Variants in DGKB observed in about 807,000 individuals in gnomAD.
DGKB encodes 90 kDa diacylglycerol kinase.
A neutral mutation model predicts 114.3 loss-of-function variants in DGKB; 67 were observed. That is an observed-to-expected ratio of 0.59 (90% CI 0.48 to 0.72). The LOEUF is 0.72. Ranked by LOEUF, DGKB falls within the 30% of genes least tolerant of loss-of-function variation. DGKB has a pLI of 0.00. For synonymous variants in DGKB, 398 were observed against 323.1 expected (o/e 1.23, Z -2.49); for missense variants, 907 against 975.2 (o/e 0.93, Z 0.93).
chr7:14,295,146 C>G (rs1802337113), intron 23 of DGKB, among the ~76,000 whole-genome samples: 1 of 152,112 alleles, frequency 6.6e-6, no homozygotes, highest in Non-Finnish European at 1.5e-5. Flanking sequence ...ATAGTAGGTT[C>G]TCTATCGATA....
In DGKB at chr7:14,291,855, A is replaced by G. The variant is rs1487724128; in HGVS notation, c.2122+46660T>C. Among the ~76,000 whole-genome samples, 4 of 152,270 alleles carry G rather than the reference A, an allele frequency of 2.6e-5. No homozygotes were observed. In the East Asian group the frequency reaches 7.8e-4, roughly 30 times the overall value. On this transcript the variant is annotated intron_variant, in intron 23 of 25. Coordinates refer to ENST00000402815, the MANE Select transcript of DGKB (RefSeq NM_001350709.2). ...CCCTGAACATTTTGCTTCTTTAATC[A>G]TCAGCTCTAGTTGTCATTTTAGACA... is the stretch of plus-strand genomic sequence containing the variant.
At chr7:14,299,518 CTT>C (rs963756451) in intron 23 of DGKB, among the ~76,000 whole-genome samples, 2 of 152,070 alleles carry the variant, frequency 1.3e-5, no homozygotes, top group Non-Finnish European at 2.9e-5. Flanking sequence ...GCTAAATTAA[CTT>C]AACACTACAA....
chr7:14,570,044 C>T (rs971140784), intron 20 of DGKB, among the ~76,000 whole-genome samples: 5 of 150,976 alleles, frequency 3.3e-5, no homozygotes, highest in Non-Finnish European at 7.4e-5. Context: ...TTGCTATAAT[C>T]TCATACTAGT....
chr7:14,685,339 G>T lies in DGKB; in HGVS notation c.735C>A (p.His245Gln). 6.2e-7 allele frequency: 1 copy of T among 1,613,564 alleles called. No homozygotes were observed. Among genetic ancestry groups the T allele is most frequent in the Non-Finnish European group, 8.5e-7 (1 of 1,179,560 alleles). The change falls in exon 10 of 26, where the codon CAC becomes CAA. Residue 245 changes from histidine (H) to glutamine (Q), a missense_variant. His to Gln is a conservative substitution (Grantham distance 24, BLOSUM62 0). Transcript: ENST00000402815. ...TGTTAAAGTGCTTCAGTCGCCACACGTGCTGTCCATCATCCTTCACGTTCT... is the reference window on the plus strand; with the variant it reads ...TGTTAAAGTGCTTCAGTCGCCACACTTGCTGTCCATCATCCTTCACGTTCT... ...LENNVKDDGQHVWRLKHFNKP... is the reference protein window; with the variant it reads ...LENNVKDDGQQVWRLKHFNKP...
chr7:14,735,151 A>G (rs758133002), intron 5 of DGKB, among the ~76,000 whole-genome samples: 1 of 152,220 alleles, frequency 6.6e-6, no homozygotes, highest in Non-Finnish European at 1.5e-5. Context: ...AATCTGGGAC[A>G]GGCCACGGTG....
At chr7:14,971,156 A>T (rs368864258) in intron 1 of DGKB, among the ~76,000 whole-genome samples, 1 of 152,174 alleles carries the variant, frequency 6.6e-6, no homozygotes, top group South Asian at 2.1e-4. Context: ...AGGTGGGATT[A>T]TTCTGCTGCT....
chr7:14,387,314 G>C lies in DGKB; in HGVS notation c.1836-41923C>G, dbSNP rs567103075. ...TGTAATCCCACCTACTCAGGAGGCT[G>C]AGGCAGGAGAATTGCTTGAATCAGG... On this transcript the variant is annotated intron_variant, in intron 21 of 25. Transcript: ENST00000402815. Among the ~76,000 whole-genome samples the C allele has an allele frequency of 2.0e-5, 3 of 151,088 alleles. No homozygotes were observed. In the East Asian group the frequency reaches 5.9e-4, roughly 30 times the overall value.
At chr7:14,537,809 G>A (rs1584665023) in intron 20 of DGKB, among the ~76,000 whole-genome samples, 2 of 152,090 alleles carry the variant, frequency 1.3e-5, no homozygotes, top group East Asian at 1.9e-4. Context: ...GGCTGGGCGC[G>A]GTGGCTCACG....
chr7:14,478,126 C>G lies in DGKB; in HGVS notation c.1835+35G>C, dbSNP rs201169036. On this transcript the variant is annotated intron_variant, in intron 21 of 25. Coordinates refer to ENST00000402815, the MANE Select transcript of DGKB (RefSeq NM_001350709.2). ...ATCTTTTTATGGCAAAATTCAGCAA[C>G]TATATCTATAATTTCATCTCTTTTG... is the stretch of plus-strand genomic sequence containing the variant. 4.8e-6 allele frequency: 7 copies of G among 1,456,046 alleles called. No homozygotes were observed. The African/African-American group carries it at 5.6e-5, about 12-fold the overall frequency. The allele number at this position is 1,456,046 out of a possible 1,614,324, so 90.2% of individuals were successfully genotyped here. A position where few individuals can be genotyped will look rare whatever the true frequency, so the allele number is the denominator to read the frequency against.
intron 23 of DGKB, among the ~76,000 whole-genome samples, chr7:14,182,318 G>C (rs1782747017): frequency 6.6e-6 from 1 of 150,976 alleles, no homozygotes; most frequent in African/African-American, 2.4e-5. Flanking sequence ...ATTTTAATTT[G>C]TTAATAAGAA....
Position 14,147,777 on chromosome 7 carries a change from T to C in DGKB, c.*1354A>G, listed in dbSNP as rs117244432. The C allele has an allele frequency of 5.9e-3, 897 of 152,696 alleles. 18 individuals are homozygous for C. Among genetic ancestry groups the C allele is most frequent in the Admixed American group, 0.034 (526 of 15,282 alleles). 9.5% of individuals were successfully genotyped at this position (152,696 alleles called of 1,614,324 possible). A position where few individuals can be genotyped will look rare whatever the true frequency, so the allele number is the denominator to read the frequency against. On this transcript the variant is annotated 3_prime_UTR_variant, in exon 26 of 26. Coordinates refer to ENST00000402815, the MANE Select transcript of DGKB (RefSeq NM_001350709.2). Reference sequence around the variant, plus strand: ...TATTACAAGACTGCTCAGAAGCATTTCATTTTACATCATAGGCTTAATGAA... The same window carrying C: ...TATTACAAGACTGCTCAGAAGCATTCCATTTTACATCATAGGCTTAATGAA...
chr7:14,458,013 C>CTAGCGCCCTCTGCTGGT (rs1832534287), intron 21 of DGKB, among the ~76,000 whole-genome samples: 1 of 152,166 alleles, frequency 6.6e-6, no homozygotes, highest in South Asian at 2.1e-4. Flanking sequence ...TGCATGTGGG[C>CTAGCGCCCTCTGCTGGT]TAGCGCCCTC....
chr7:14,692,922 C>A (rs1823134281), intron 9 of DGKB, among the ~76,000 whole-genome samples: 2 of 152,026 alleles, frequency 1.3e-5, no homozygotes, highest in Non-Finnish European at 2.9e-5. Context: ...TTCCTTAACC[C>A]TCAGCTCATT....
At chr7:14,524,474 G>T (rs1305797637) in intron 20 of DGKB, among the ~76,000 whole-genome samples, 1 of 152,134 alleles carries the variant, frequency 6.6e-6, no homozygotes, top group Non-Finnish European at 1.5e-5. Context: ...TCCTAATTCA[G>T]GCCAGGCGCA....
chr7:14,186,900 C>T (rs1350243885), intron 23 of DGKB, among the ~76,000 whole-genome samples: 1 of 152,048 alleles, frequency 6.6e-6, no homozygotes, highest in Non-Finnish European at 1.5e-5. Context: ...GGATAAAAGA[C>T]TACAAATATA....
At chr7:14,873,677 A>G (rs217564) in intron 1 of DGKB, among the ~76,000 whole-genome samples, 139,415 of 151,890 alleles carry the variant, frequency 0.92, 64,352 homozygotes, top group Non-Finnish European at 0.96. Flanking sequence ...ATGTATGCAC[A>G]TTTTTCAATA....
At position 14,650,152 on chromosome 7, in the gene DGKB, G is replaced by C. The variant is rs1343620202; in HGVS notation, c.1135-19884C>G. On this transcript the variant is annotated intron_variant, in intron 13 of 25. Transcript: ENST00000402815. ...AGCTCTGCACCAAGTGGACCTAATA[G>C]ACATCTACAGAACTCTCCACCCCAA... Among the ~76,000 whole-genome samples the C allele has an allele frequency of 4.7e-3, 659 of 141,138 alleles. 2 individuals carry two copies. Among genetic ancestry groups the C allele is most frequent in the Middle Eastern group, 0.012 (3 of 256 alleles). The allele number at this position is 141,138 out of a possible 152,430, so 92.6% of individuals were successfully genotyped here.
Position 14,849,827 on chromosome 7 carries a change from G to A in DGKB, c.-187-8377C>T, listed in dbSNP as rs566425999. Among the ~76,000 whole-genome samples, 3 of 152,180 alleles carry A rather than the reference G, an allele frequency of 2.0e-5. No homozygotes were observed. The South Asian group carries it at 6.2e-4, about 32-fold the overall frequency. On this transcript the variant is annotated intron_variant, in intron 1 of 25. Coordinates refer to ENST00000402815, the MANE Select transcript of DGKB (RefSeq NM_001350709.2). ...TCTCACCAATTTCAAACAATCTCAAGAGGCACAGAGCCTCAAGACAAGGAT... is the reference window on the plus strand; with the variant it reads ...TCTCACCAATTTCAAACAATCTCAAAAGGCACAGAGCCTCAAGACAAGGAT...
chr7:14,324,576 T>C lies in DGKB; in HGVS notation c.2122+13939A>G, dbSNP rs57759744. Among the ~76,000 whole-genome samples, 831 of 152,196 alleles carry C rather than the reference T, an allele frequency of 5.5e-3. 33 individuals carry two copies. The East Asian group carries it at 0.11, about 20-fold the overall frequency. ...AGATATAATTACCTAGGATTGTCCA[T>C]GAAGAATGAGCAATGTCATTTGCGG... On this transcript the variant is annotated intron_variant, in intron 23 of 25. Coordinates refer to ENST00000402815, the MANE Select transcript of DGKB (RefSeq NM_001350709.2).
Sources: allele counts gnomAD v4.1 joint callset (sites outside exome capture counted in the v4.1 genomes callset), GRCh38; gene constraint gnomAD v4.1.1; transcripts MANE v1.5; gene names NCBI Gene and HGNC (gene_info 2026-07-23, HGNC 2026-07-21).